TMEM141: variants seen among roughly 807,000 people sequenced by gnomAD.
TMEM141 encodes transmembrane protein 141.
TMEM141 carries 18 observed loss-of-function variants against 15.9 expected under a neutral mutation model. That is an observed-to-expected ratio of 1.13 (90% CI 0.78 to 1.68). The LOEUF is 1.68. Ranked by LOEUF, TMEM141 falls within the 40% of genes most tolerant of loss-of-function variation. The pLI is 0.00. For synonymous variants in TMEM141, 69 were observed against 54.0 expected (o/e 1.28, Z -1.22); for missense variants, 161 against 139.5 (o/e 1.15, Z -0.78).
chr9:136,792,057 G>C (rs752492647), intron 3 of TMEM141, 27 bp downstream of exon 3: 2 of 1,612,032 alleles, frequency 1.2e-6, no homozygotes, highest in South Asian at 2.2e-5. Context: ...CCCTGCCTGG[G>C]CTCTTTGAGG....
At chr9:136,792,064 G>A in intron 3 of TMEM141, 34 bp downstream of exon 3, 1 of 1,611,780 alleles carries the variant, frequency 6.2e-7, no homozygotes, top group Non-Finnish European at 8.5e-7. Flanking sequence ...TGGGCTCTTT[G>A]AGGGGTGGGT....
chr9:136,792,464 C>A (rs1847601103), intron 4 of TMEM141, 106 bp downstream of exon 4: 4 of 938,686 alleles, frequency 4.3e-6, no homozygotes, highest in Non-Finnish European at 4.9e-6. Context: ...GACAAGGTCC[C>A]TCCCTCTGGC....
At chr9:136,792,186 G>A (rs1021804391) in intron 3 of TMEM141, 65 bp from the exon 4 acceptor site, 40 of 1,517,964 alleles carry the variant, frequency 2.6e-5, no homozygotes, top group Non-Finnish European at 3.6e-6. Context: ...GAAGTAGCCT[G>A]TGCCCGGTTC....
At position 136,791,436 on chromosome 9, in the gene TMEM141, G is replaced by A. The variant is rs200755673; in HGVS notation, c.54+12G>A. On this transcript the variant is annotated intron_variant, in intron 1 of 4. Coordinates refer to ENST00000290079, the MANE Select transcript of TMEM141 (RefSeq NM_032928.4). ...CTGCCAAGCACCCGGTGAGAAGGCC[G>A]GTCTGGGACGCGGGCCTCAAACCCC... 2 of 1,552,916 alleles carry A rather than the reference G, an allele frequency of 1.3e-6. No homozygotes were observed. The highest frequency in any genetic ancestry group is 1.7e-6 in the Non-Finnish European group (2 of 1,148,434).
intron 1 of TMEM141, 99 bp downstream of exon 1, chr9:136,791,523 G>A: frequency 6.5e-7 from 1 of 1,544,436 alleles, no homozygotes; most frequent in South Asian, 1.2e-5. Flanking sequence ...AGGGAAGAGT[G>A]GCGGAGGCTG....
chr9:136,792,644 G>A (rs1302473088), intron 4 of TMEM141, among the ~76,000 whole-genome samples, 175 bp from the exon 5 acceptor site: 2 of 152,214 alleles, frequency 1.3e-5, no homozygotes, highest in Admixed American at 6.5e-5. Context: ...CAGCAGCCAC[G>A]TGGGCACCCG....
rs1847606815 is a variant in TMEM141 at position 136,793,023 on chromosome 9, G to A, written c.*191G>A. On this transcript the variant is annotated 3_prime_UTR_variant, in exon 5 of 5. Transcript: ENST00000290079. ...GCCCCAACCTGGGACCTGCCCAGGA[G>A]GTTGGAGCAGAAAGGGCTCTCCCTG... The A allele has an allele frequency of 1.5e-6, 1 of 658,748 alleles. No individual in the cohort carries two copies. The highest frequency in any genetic ancestry group is 2.1e-5 in the African/African-American group (1 of 47,410). The allele number at this position is 658,748 out of a possible 1,614,324, so 40.8% of individuals were successfully genotyped here. A position where few individuals can be genotyped will look rare whatever the true frequency, so the allele number is the denominator to read the frequency against.
chr9:136,791,912 G>A (rs1847594329), intron 2 of TMEM141, 35 bp from the exon 3 acceptor site: 2 of 1,613,690 alleles, frequency 1.2e-6, no homozygotes, highest in Admixed American at 1.7e-5. Flanking sequence ...GGCTATCCCC[G>A]GGTACAGGTT....
Position 136,791,948 on chromosome 9 carries a change from C to T in TMEM141, c.123C>T (p.Gly41=), listed in dbSNP as rs527296274. Reference sequence around the variant, plus strand: ...GATGGGGACCTCGGCTCTTTGCAGGCACCGGCATGGCCTTTGGCTTGCAGA... The same window carrying T: ...GATGGGGACCTCGGCTCTTTGCAGGTACCGGCATGGCCTTTGGCTTGCAGA... The part of the protein sequence containing the change: ...FMKGVFTFVT[G]TGMAFGLQMF... Residue 41 remains glycine, a splice_region_variant and synonymous_variant, in exon 3 of 5, where the codon GGC becomes GGT. Transcript: ENST00000290079. 7 of 1,614,124 alleles carry T rather than the reference C, an allele frequency of 4.3e-6. No homozygotes were observed. In the African/African-American group the frequency reaches 5.3e-5, roughly 12 times the overall value.
chr9:136,792,993 C>A lies in TMEM141; in HGVS notation c.*161C>A. 1 of 1,027,364 alleles carries A rather than the reference C, an allele frequency of 9.7e-7. No homozygotes were observed. The highest frequency in any genetic ancestry group is 1.3e-6 in the Non-Finnish European group (1 of 797,870). 63.6% of individuals were successfully genotyped at this position (1,027,364 alleles called of 1,614,324 possible). A position where few individuals can be genotyped will look rare whatever the true frequency, so the allele number is the denominator to read the frequency against. Reference sequence around the variant, plus strand: ...AGGCCTGACAAACACCTGCAGATGGCTGCTGCCCCAACCTGGGACCTGCCC... The same window carrying A: ...AGGCCTGACAAACACCTGCAGATGGATGCTGCCCCAACCTGGGACCTGCCC... On this transcript the variant is annotated 3_prime_UTR_variant, in exon 5 of 5. Coordinates refer to ENST00000290079, the MANE Select transcript of TMEM141 (RefSeq NM_032928.4).
chr9:136,791,912 G>C (rs1847594329), intron 2 of TMEM141, 35 bp from the exon 3 acceptor site: 1 of 1,613,808 alleles, frequency 6.2e-7, no homozygotes, highest in Non-Finnish European at 8.5e-7. Context: ...GGCTATCCCC[G>C]GGTACAGGTT....
rs951856577 is a variant in TMEM141, at chr9:136,793,257, A to G, written c.*425A>G. 6.4e-6 allele frequency: 1 copy of G among 155,972 alleles called. No individual in the cohort carries two copies. The highest frequency in any genetic ancestry group is 2.4e-5 in the African/African-American group (1 of 41,554). The allele number at this position is 155,972 out of a possible 1,614,324, so 9.7% of individuals were successfully genotyped here. ...TAATAAATGGCTTATCCTTCTCTCC[A>G]CCCAAGTTTCCACCTGACCAGGTGA... On this transcript the variant is annotated 3_prime_UTR_variant, in exon 5 of 5. Coordinates refer to ENST00000290079, the MANE Select transcript of TMEM141 (RefSeq NM_032928.4).
Position 136,792,324 on chromosome 9 carries a change from G to T in TMEM141, c.279G>T (p.Leu93=). Residue 93 remains leucine (L), a synonymous_variant, in exon 4 of 5, where the codon CTG becomes CTT. Transcript: ENST00000290079. ...SEKCNNLWLF[L]ETGQLPKDRS... ...AATGCAACAACCTCTGGCTCTTCCT[G>T]GAGACCGGGCAGCTCCCCAAAGACA... 6.3e-7 allele frequency: 1 copy of T among 1,585,434 alleles called. No homozygotes were observed. The highest frequency in any genetic ancestry group is 2.3e-5 in the East Asian group (1 of 43,524).
chr9:136,792,166 C>T (rs1847597945), intron 3 of TMEM141, 85 bp from the exon 4 acceptor site: 17 of 1,495,676 alleles, frequency 1.1e-5, no homozygotes, highest in Non-Finnish European at 1.6e-5. Flanking sequence ...CCACCCACCA[C>T]GTCTGTCAGG....
chr9:136,792,845 A>G lies in TMEM141; in HGVS notation c.*13A>G. Reference sequence around the variant, plus strand: ...TCAGAGAAGCTAGGAGAGCTCCAGCAGGGGCACAGAGGATTGGGGGCAGGA... The same window carrying G: ...TCAGAGAAGCTAGGAGAGCTCCAGCGGGGGCACAGAGGATTGGGGGCAGGA... On this transcript the variant is annotated 3_prime_UTR_variant, in exon 5 of 5. Coordinates refer to ENST00000290079, the MANE Select transcript of TMEM141 (RefSeq NM_032928.4). 1 of 1,553,822 alleles carries G rather than the reference A, an allele frequency of 6.4e-7. No homozygotes were observed. The highest frequency in any genetic ancestry group is 1.2e-5 in the South Asian group (1 of 82,102).
In TMEM141 at chr9:136,791,757, G is replaced by T; in HGVS notation, c.101G>T (p.Gly34Val). Residue 34 changes from glycine to valine, a missense_variant, in exon 2 of 5, where the codon GGC becomes GTC. Physicochemically the swap from Gly to Val is moderately radical, Grantham distance 109. Transcript: ENST00000290079. The stretch of plus-strand genomic sequence containing the variant: ...TGCCAGTCACACGCCTTCATGAAGG[G>T]CGTTTTCACCTTCGTCACAGGTAGG... The part of the protein sequence containing the change: ...AACQSHAFMK[G>V]VFTFVTGTGM... 1 of 1,613,608 alleles carries T rather than the reference G, an allele frequency of 6.2e-7. No homozygotes were observed. The highest frequency in any genetic ancestry group is 1.1e-5 in the South Asian group (1 of 91,078).
rs200189079 is a variant in TMEM141, at chr9:136,792,039, T to G, written c.205+9T>G. 3.3e-5 allele frequency: 54 copies of G among 1,613,470 alleles called. No homozygotes were observed. The Admixed American group carries it at 5.7e-4, about 17-fold the overall frequency. ...CCTCCTAGTGGCCGTGGGTGGGTAC[T>G]CCAGGGCCCCTGCCTGGGCTCTTTG... On this transcript the variant is annotated intron_variant, in intron 3 of 4. Transcript: ENST00000290079.
intron 4 of TMEM141, 99 bp from the exon 5 acceptor site, chr9:136,792,720 C>A: frequency 1.1e-6 from 1 of 946,196 alleles, no homozygotes; most frequent in Non-Finnish European, 1.6e-6. Flanking sequence ...TGCCCGTTGT[C>A]CTTGTTACGG....
chr9:136,792,757 G>A, intron 4 of TMEM141, 62 bp from the exon 5 acceptor site: 2 of 1,324,914 alleles, frequency 1.5e-6, no homozygotes, highest in South Asian at 1.4e-5. Flanking sequence ...TGATAAAATG[G>A]GCACAGGGAT....
Sources: allele counts gnomAD v4.1 joint callset (sites outside exome capture counted in the v4.1 genomes callset), GRCh38; gene constraint gnomAD v4.1.1; transcripts MANE v1.5; gene names NCBI Gene and HGNC (gene_info 2026-07-23, HGNC 2026-07-21).